The following CTNNA3 variants were observed in gnomAD, a reference collection of about 807,000 sequenced individuals.
CTNNA3 encodes the protein catenin alpha 3, also known as catenin alpha-3.
In CTNNA3, 76 loss-of-function variants were observed where a neutral mutation model predicts 95.7. The observed-to-expected ratio is 0.79, with a 90% CI of 0.66 to 0.96. The LOEUF (loss-of-function observed/expected upper bound fraction) is 0.96, where lower values mean the gene tolerates loss of function less well. Among genes scored for constraint, CTNNA3 ranks in the 40% least tolerant of loss-of-function variants. The pLI is 0.00. For synonymous variants in CTNNA3, 431 were observed against 374.4 expected (o/e 1.15, Z -1.74); for missense variants, 1,191 against 1,089.8 (o/e 1.09, Z -1.31).
intron 9 of CTNNA3, among the ~76,000 whole-genome samples, chr10:66,628,252 C>T (rs1422065614): frequency 5.3e-5 from 8 of 152,164 alleles, no homozygotes; most frequent in East Asian, 3.9e-4. Flanking sequence ...GAAATTAACA[C>T]ATTTGGTGAA....
chr10:66,603,423 T>C (rs1356346166), intron 10 of CTNNA3, among the ~76,000 whole-genome samples: 1 of 152,052 alleles, frequency 6.6e-6, no homozygotes, highest in Non-Finnish European at 1.5e-5. Flanking sequence ...AAAACACTGA[T>C]GAAATAAATT....
intron 5 of CTNNA3, among the ~76,000 whole-genome samples, chr10:67,390,433 A>T (rs1055334123): frequency 9.2e-5 from 14 of 152,220 alleles, no homozygotes; most frequent in Admixed American, 3.3e-4. Context: ...AACCAAAAAG[A>T]GTCCAGGACC....
At chr10:66,025,245 A>T (rs2079311610) in intron 15 of CTNNA3, among the ~76,000 whole-genome samples, 1 of 152,210 alleles carries the variant, frequency 6.6e-6, no homozygotes, top group African/African-American at 2.4e-5. Context: ...AAGGTCACAG[A>T]TTTAATCCCA....
At chr10:66,367,884 ATTATTATTATTATTATT>A (rs2092724411) in intron 12 of CTNNA3, among the ~76,000 whole-genome samples, 123 of 20,628 alleles carry the variant, frequency 6.0e-3, no homozygotes, top group Admixed American at 0.011. Flanking sequence ...AATAATAATT[ATTATTATTATTATTATT>A]ATTATTATTA....
intron 11 of CTNNA3, among the ~76,000 whole-genome samples, chr10:66,389,607 T>C (rs1285268857): frequency 2.0e-5 from 3 of 152,154 alleles, no homozygotes; most frequent in African/African-American, 7.2e-5. Context: ...TGGTGCAAGC[T>C]TCTCTGGCTA....
intron 13 of CTNNA3, among the ~76,000 whole-genome samples, chr10:66,279,652 T>A (rs997879022): frequency 6.6e-6 from 1 of 152,020 alleles, no homozygotes; most frequent in Non-Finnish European, 1.5e-5. Context: ...TTGCCTGCAG[T>A]GACCCATAAT....
chr10:66,490,781 C>T (rs1839896227), intron 11 of CTNNA3, among the ~76,000 whole-genome samples: 1 of 152,110 alleles, frequency 6.6e-6, no homozygotes, highest in Non-Finnish European at 1.5e-5. Context: ...CTTTACCTGG[C>T]CTCTATGCAT....
chr10:66,954,900 C>T lies in CTNNA3; in HGVS notation c.1048-179376G>A, dbSNP rs372179942. Among the ~76,000 whole-genome samples the T allele has an allele frequency of 2.0e-5, 3 of 152,054 alleles. No individual in the cohort carries two copies. The South Asian group carries it at 6.2e-4, about 32-fold the overall frequency. On this transcript the variant is annotated intron_variant, in intron 7 of 17. Coordinates refer to ENST00000433211, the MANE Select transcript of CTNNA3 (RefSeq NM_013266.4). Reference sequence around the variant, plus strand: ...ATTCTGGCCTAAACACTGTCATTGGCTTGTAATGTAATTTTGTGCAGTTTT... The same window carrying T: ...ATTCTGGCCTAAACACTGTCATTGGTTTGTAATGTAATTTTGTGCAGTTTT...
intron 17 of CTNNA3, among the ~76,000 whole-genome samples, chr10:65,942,109 T>C (rs1443832076): frequency 6.6e-6 from 1 of 152,252 alleles, no homozygotes; most frequent in Non-Finnish European, 1.5e-5. Context: ...AACTCTATAC[T>C]TATCTGTTCA....
chr10:67,499,574 G>A (rs1047340894), intron 5 of CTNNA3, among the ~76,000 whole-genome samples: 1 of 152,052 alleles, frequency 6.6e-6, no homozygotes, highest in African/African-American at 2.4e-5. Context: ...GGCTTTTTTT[G>A]GTTGGTAGGC....
intron 7 of CTNNA3, among the ~76,000 whole-genome samples, chr10:67,157,316 G>A (rs1861354875): frequency 6.6e-6 from 1 of 152,070 alleles, no homozygotes. Context: ...TATCTGCCAT[G>A]AATTAAGCTC....
chr10:66,685,032 G>T (rs983517113), intron 9 of CTNNA3, among the ~76,000 whole-genome samples: 1 of 150,952 alleles, frequency 6.6e-6, no homozygotes, highest in Non-Finnish European at 1.5e-5. Context: ...CAAGCTATTG[G>T]TTTGAATTAT....
At chr10:67,164,466 C>T (rs929604467) in intron 7 of CTNNA3, among the ~76,000 whole-genome samples, 3 of 151,880 alleles carry the variant, frequency 2.0e-5, no homozygotes, top group African/African-American at 7.2e-5. Flanking sequence ...ATCATAAATA[C>T]AAAATCAAAT....
intron 11 of CTNNA3, among the ~76,000 whole-genome samples, chr10:66,443,401 G>C (rs371604086): frequency 6.6e-6 from 1 of 152,066 alleles, no homozygotes; most frequent in Non-Finnish European, 1.5e-5. Flanking sequence ...ACTGGGAGGC[G>C]CCCCCCAGTA....
At chr10:66,154,721 T>TATATATATATATATATATATATATAC (rs2084393686) in intron 13 of CTNNA3, among the ~76,000 whole-genome samples, 1 of 135,462 alleles carries the variant, frequency 7.4e-6, no homozygotes, top group Non-Finnish European at 1.6e-5. Flanking sequence ...AAAAAGTTCA[T>TATATATATATATATATATATATATAC]ATATATATAT....
chr10:66,166,321 G>A (rs1465570870), intron 13 of CTNNA3, among the ~76,000 whole-genome samples: 1 of 151,240 alleles, frequency 6.6e-6, no homozygotes, highest in Non-Finnish European at 1.5e-5. Flanking sequence ...TGGTGAAACC[G>A]GTGTCTACTA....
At chr10:67,324,481 A>G (rs954430445) in intron 5 of CTNNA3, among the ~76,000 whole-genome samples, 2 of 152,214 alleles carry the variant, frequency 1.3e-5, no homozygotes, top group Non-Finnish European at 2.9e-5. Flanking sequence ...CCTTTTCTGC[A>G]TCTATTAAGA....
intron 13 of CTNNA3, among the ~76,000 whole-genome samples, chr10:66,241,298 A>T (rs1328075835): frequency 1.3e-5 from 2 of 152,182 alleles, no homozygotes; most frequent in Non-Finnish European, 2.9e-5. Context: ...CAGTTGAATG[A>T]TACACAGTAT....
At chr10:67,688,643 T>C (rs1840782802) in intron 1 of CTNNA3, among the ~76,000 whole-genome samples, 1 of 152,156 alleles carries the variant, frequency 6.6e-6, no homozygotes, top group South Asian at 2.1e-4. Context: ...TTTCAGGGTT[T>C]GCAGGTCAAA....
Sources: allele counts gnomAD v4.1 joint callset (sites outside exome capture counted in the v4.1 genomes callset), GRCh38; gene constraint gnomAD v4.1.1; transcripts MANE v1.5; gene names NCBI Gene and HGNC (gene_info 2026-07-23, HGNC 2026-07-21).